Variants in SLCO3A1 observed in about 807,000 individuals in gnomAD.
SLCO3A1 encodes PGE1 transporter.
In SLCO3A1, 27 loss-of-function variants were observed where a neutral mutation model predicts 63.1. The ratio of observed to expected loss-of-function variants is 0.43; its 90% confidence interval spans 0.32 to 0.59. The LOEUF (loss-of-function observed/expected upper bound fraction) is 0.59. Ranked by LOEUF, SLCO3A1 falls within the 20% of genes least tolerant of loss-of-function variation. The pLI is 0.09. For synonymous variants in SLCO3A1, 473 were observed against 409.9 expected (o/e 1.15, Z -1.86); for missense variants, 773 against 945.8 (o/e 0.82, Z 2.40).
intron 9 of SLCO3A1, among the ~76,000 whole-genome samples, chr15:92,161,265 ACT>A (rs1352211991): frequency 1.3e-5 from 2 of 151,784 alleles, no homozygotes; most frequent in African/African-American, 2.4e-5. Flanking sequence ...TACAGATGAC[ACT>A]CTCCCCCTTC....
intron 2 of SLCO3A1, among the ~76,000 whole-genome samples, chr15:92,040,373 T>A (rs767237208): frequency 3.3e-5 from 5 of 152,204 alleles, no homozygotes; most frequent in Non-Finnish European, 7.3e-5. Context: ...ATGTTTCAGG[T>A]TCCATTCAGA....
chr15:91,948,675 C>T lies in SLCO3A1; in HGVS notation c.646+32217C>T, dbSNP rs181243610. Among the ~76,000 whole-genome samples, 179 of 152,282 alleles carry T rather than the reference C, an allele frequency of 1.2e-3. No homozygotes were observed. The highest frequency in any genetic ancestry group is 4.2e-3 in the African/African-American group (174 of 41,558). On this transcript the variant is annotated intron_variant, in intron 2 of 9. Coordinates refer to ENST00000318445, the MANE Select transcript of SLCO3A1 (RefSeq NM_013272.4). The surrounding 1 kb of genome is among the most constrained non-coding windows in gnomAD (Gnocchi z 4.8). ...TTACAGACATGAGGGCTGGGTTTTC[C>T]TGCCCTGAGAAGAGAGGGCCGTCCA...
Position 92,163,241 on chromosome 15 carries a change from A to G in SLCO3A1, c.*106A>G. On this transcript the variant is annotated 3_prime_UTR_variant, in exon 10 of 10. Transcript: ENST00000318445. The stretch of plus-strand genomic sequence containing the variant: ...AAACCAAAACTCAGTACACACACAC[A>G]GGCACAGATGCACACACACGCAGAC... The G allele has an allele frequency of 1.4e-6, 2 of 1,426,956 alleles. No individual in the cohort carries two copies. Among genetic ancestry groups the G allele is most frequent in the Non-Finnish European group, 1.8e-6 (2 of 1,098,604 alleles). The allele number at this position is 1,426,956 out of a possible 1,614,324, so 88.4% of individuals were successfully genotyped here.
intron 1 of SLCO3A1, among the ~76,000 whole-genome samples, chr15:91,881,968 C>T (rs1311620554): frequency 1.3e-5 from 2 of 152,194 alleles, no homozygotes; most frequent in Admixed American, 6.5e-5. Flanking sequence ...ACCCTATTAT[C>T]ATGCAAAACC....
intron 7 of SLCO3A1, among the ~76,000 whole-genome samples, chr15:92,136,369 G>A (rs951147004): frequency 1.3e-5 from 2 of 152,166 alleles, no homozygotes; most frequent in African/African-American, 4.8e-5. Context: ...AACTTTATTT[G>A]CCAGTATTTT....
Position 92,126,087 on chromosome 15 carries a change from C to G in SLCO3A1, c.1201C>G (p.Leu401Val). 1.2e-6 allele frequency: 2 copies of G among 1,613,968 alleles called. No individual in the cohort carries two copies. The highest frequency in any genetic ancestry group is 8.5e-7 in the Non-Finnish European group (1 of 1,179,986). Reference protein sequence around the residue: ...LGMTAIPCACLGIFLGGLLVK... With the variant: ...LGMTAIPCACVGIFLGGLLVK... ...GATGACTGCGATCCCGTGTGCTTGT[C>G]TGGGTATCTTCCTGGGAGGTCTTTT... The change falls in exon 6 of 10, where the codon CTG becomes GTG. Residue 401 changes from leucine (L) to valine (V), a missense_variant. Transcript: ENST00000318445.
chr15:91,930,268 A>G (rs1362232560), intron 2 of SLCO3A1, among the ~76,000 whole-genome samples: 3 of 152,024 alleles, frequency 2.0e-5, no homozygotes, highest in African/African-American at 7.2e-5. Flanking sequence ...AGCACCTCTC[A>G]ACTGGACCAC....
rs1896936147 is a variant in SLCO3A1, at chr15:91,856,995, T to C, written c.180+2907T>C. On this transcript the variant is annotated intron_variant, in intron 1 of 9. Coordinates refer to ENST00000318445, the MANE Select transcript of SLCO3A1 (RefSeq NM_013272.4). This position sits in a 1 kb window ranked among gnomAD's most constrained non-coding sequence, Gnocchi z 4.9. ...TGCAGAACTGAAGCAGAAGGTTGCC[T>C]GTGATTTAAGAAGCAACTTTGAGAA... is the stretch of plus-strand genomic sequence containing the variant. Among the ~76,000 whole-genome samples, 1 of 151,746 alleles carries C rather than the reference T, an allele frequency of 6.6e-6. No individual in the cohort carries two copies. Among genetic ancestry groups the C allele is most frequent in the African/African-American group, 2.4e-5 (1 of 41,266 alleles).
Position 92,164,390 on chromosome 15 carries a change from A to G in SLCO3A1, c.*1255A>G, listed in dbSNP as rs2048475712. On this transcript the variant is annotated 3_prime_UTR_variant, in exon 10 of 10. Transcript: ENST00000318445. ...AATCACATTTGAGACAACAGGGGAT[A>G]ATGTGATGAATTGCAAATTTGCCTT... The G allele has an allele frequency of 7.1e-6, 7 of 985,300 alleles. No homozygotes were observed. In the Admixed American group the frequency reaches 3.7e-4, roughly 52 times the overall value. 61.0% of individuals were successfully genotyped at this position (985,300 alleles called of 1,614,324 possible). A position where few individuals can be genotyped will look rare whatever the true frequency, so the allele number is the denominator to read the frequency against.
intron 2 of SLCO3A1, among the ~76,000 whole-genome samples, chr15:92,003,255 G>A (rs1334380664): frequency 6.6e-6 from 1 of 152,212 alleles, no homozygotes; most frequent in African/African-American, 2.4e-5. Context: ...TGTTTGTCGA[G>A]TGCACTTATG....
chr15:92,120,021 A>G (rs1360107728), intron 4 of SLCO3A1, among the ~76,000 whole-genome samples: 2 of 152,190 alleles, frequency 1.3e-5, no homozygotes, highest in African/African-American at 4.8e-5. Context: ...AGATCCATCA[A>G]TAGGTATATT....
chr15:92,136,392 G>C (rs75926572), intron 7 of SLCO3A1, among the ~76,000 whole-genome samples: 2,201 of 152,340 alleles, frequency 0.014, 64 homozygotes, highest in African/African-American at 0.05. Flanking sequence ...AAACACTGCT[G>C]AGCAGTATCT....
At chr15:91,920,244 G>A (rs1202509385) in intron 2 of SLCO3A1, among the ~76,000 whole-genome samples, 1 of 152,160 alleles carries the variant, frequency 6.6e-6, no homozygotes, top group African/African-American at 2.4e-5. Flanking sequence ...AGGTATGTCT[G>A]GGATCTGCTC....
chr15:91,963,246 C>A (rs1230687851), intron 2 of SLCO3A1, among the ~76,000 whole-genome samples: 1 of 152,136 alleles, frequency 6.6e-6, no homozygotes, highest in Admixed American at 6.5e-5. Flanking sequence ...GCATTCCAGC[C>A]TTTGTATATG....
intron 2 of SLCO3A1, among the ~76,000 whole-genome samples, chr15:91,947,625 T>C (rs1899854670): frequency 6.6e-6 from 1 of 152,222 alleles, no homozygotes; most frequent in South Asian, 2.1e-4. Context: ...CCTTTGTCAC[T>C]TGTTTAACCC....
At chr15:92,109,770 C>T (rs941080890) in intron 4 of SLCO3A1, among the ~76,000 whole-genome samples, 3 of 151,984 alleles carry the variant, frequency 2.0e-5, no homozygotes, top group Non-Finnish European at 2.9e-5. Context: ...GGAGCTCTGG[C>T]GTCGACCTCC....
chr15:92,058,806 GC>G (rs1322794575), intron 2 of SLCO3A1, among the ~76,000 whole-genome samples: 1 of 152,110 alleles, frequency 6.6e-6, no homozygotes. Context: ...ATCTGTGCCT[GC>G]CCCGCCTGCC....
intron 3 of SLCO3A1, among the ~76,000 whole-genome samples, chr15:92,101,931 C>T (rs78135166): frequency 0.031 from 4,772 of 152,162 alleles, 235 homozygotes; most frequent in African/African-American, 0.1. Context: ...CAAGTTGACA[C>T]GTTCACACAA....
chr15:91,869,212 G>A (rs748223314), intron 1 of SLCO3A1, among the ~76,000 whole-genome samples: 21 of 151,980 alleles, frequency 1.4e-4, no homozygotes, highest in Non-Finnish European at 3.1e-4. Flanking sequence ...ACCAGCCTGG[G>A]CAACATAGGG....
Sources: allele counts gnomAD v4.1 joint callset (sites outside exome capture counted in the v4.1 genomes callset), GRCh38; gene constraint gnomAD v4.1.1; non-coding constraint Gnocchi (gnomAD v3.1); transcripts MANE v1.5; gene names NCBI Gene and HGNC (gene_info 2026-07-23, HGNC 2026-07-21).